Variants in TOX2 observed in about 807,000 individuals in gnomAD.
TOX2 encodes granulosa cell HMG box 1.
TOX2 carries 15 observed loss-of-function variants against 47.4 expected under a neutral mutation model. The observed-to-expected ratio is 0.32, with a 90% CI of 0.21 to 0.49. TOX2 has a LOEUF of 0.49. Among genes scored for constraint, TOX2 ranks in the 20% least tolerant of loss-of-function variants. The pLI is 0.99. For synonymous variants in TOX2, 290 were observed against 296.6 expected, an observed-to-expected ratio of 0.98 and a Z score of 0.23; for missense variants, 622 against 673.1, an observed-to-expected ratio of 0.92 and a Z score of 0.84.
chr20:43,928,151 A>C (rs1271556539), intron 1 of TOX2, among the ~76,000 whole-genome samples: 3 of 152,232 alleles, frequency 2.0e-5, no homozygotes, highest in Non-Finnish European at 4.4e-5. Flanking sequence ...GAAGGTGCTG[A>C]GAGTGTCAAG....
intron 3 of TOX2, among the ~76,000 whole-genome samples, chr20:44,028,658 G>T (rs1449303777): frequency 6.6e-6 from 1 of 152,166 alleles, no homozygotes; most frequent in Admixed American, 6.5e-5. Flanking sequence ...ACGCAAAGGA[G>T]TAAGATGTGC....
chr20:43,974,452 T>C (rs908912267), intron 2 of TOX2, among the ~76,000 whole-genome samples: 4 of 152,198 alleles, frequency 2.6e-5, no homozygotes, highest in African/African-American at 9.6e-5. Context: ...CCTAAGGCAG[T>C]GGTGCTTGCT....
intron 8 of TOX2, among the ~76,000 whole-genome samples, chr20:44,068,082 G>A (rs974996993): frequency 2.0e-5 from 3 of 152,034 alleles, no homozygotes; most frequent in African/African-American, 7.2e-5. Flanking sequence ...ACATGGGTGG[G>A]TGGACTCAGC....
rs372369100 is a variant in TOX2 at position 43,940,383 on chromosome 20, C to CT, written c.99+25406dup. Among the ~76,000 whole-genome samples the CT allele has an allele frequency of 3.3e-3, 477 of 142,408 alleles. 1 individual carries two copies. The highest frequency in any genetic ancestry group is 8.9e-3 in the African/African-American group (345 of 38,960). 93.4% of individuals were successfully genotyped at this position (142,408 alleles called of 152,430 possible). A position where few individuals can be genotyped will look rare whatever the true frequency, so the allele number is the denominator to read the frequency against. ...GGCATGCGCCACCATGCACAGCTAG[C>CT]TTTTTTTTTTTTTGTCTGTTTTTCA... On this transcript the variant is annotated intron_variant, in intron 1 of 8. Transcript: ENST00000341197.
At chr20:44,032,864 T>C (rs6017250) in intron 3 of TOX2, among the ~76,000 whole-genome samples, 117,673 of 152,132 alleles carry the variant, frequency 0.77, 45,823 homozygotes, top group African/African-American at 0.85. Context: ...TCTGCTTCTC[T>C]GCCGGCGGCT....
intron 1 of TOX2, among the ~76,000 whole-genome samples, chr20:43,967,418 C>T (rs1286397550): frequency 2.0e-5 from 3 of 152,092 alleles, no homozygotes; most frequent in Non-Finnish European, 4.4e-5. Context: ...ATGCCAGACC[C>T]ACATTGCTAT....
intron 3 of TOX2, among the ~76,000 whole-genome samples, chr20:44,040,274 G>A (rs2071310590): frequency 6.6e-6 from 1 of 152,190 alleles, no homozygotes; most frequent in African/African-American, 2.4e-5. Context: ...AGACTTACTT[G>A]GAAGGAAAGT....
intron 2 of TOX2, among the ~76,000 whole-genome samples, chr20:43,983,743 TAGGCTC>T (rs1185330064): frequency 6.6e-6 from 1 of 152,176 alleles, no homozygotes; most frequent in African/African-American, 2.4e-5. Flanking sequence ...TGCACCTCCT[TAGGCTC>T]AGGCTCAGGG....
In TOX2 at chr20:43,915,535, G is replaced by A. The variant is rs1167504079; in HGVS notation, c.99+545G>A. 2.0e-5 allele frequency among the ~76,000 whole-genome samples: 3 copies of A among 152,100 alleles called. No individual in the cohort carries two copies. Among genetic ancestry groups the A allele is most frequent in the Non-Finnish European group, 4.4e-5 (3 of 68,022 alleles). ...CGCAGCCACAACGCCTCACCCAGGC[G>A]CACGCTGTCACACACAGCCACCCCC... On this transcript the variant is annotated intron_variant, in intron 1 of 8. Transcript: ENST00000341197. This position sits in a 1 kb window ranked among gnomAD's most constrained non-coding sequence, Gnocchi z 7.1.
rs770927706 is a variant in TOX2, at chr20:44,068,712, C to T, written c.*26C>T. The stretch of plus-strand genomic sequence containing the variant: ...TCCCGCCTCCCTACCATCCCTGAGG[C>T]TCGCTGGAAGGCACTGCTCAGAGCC... On this transcript the variant is annotated 3_prime_UTR_variant, in exon 9 of 9. Coordinates refer to ENST00000341197, the MANE Select transcript of TOX2 (RefSeq NM_001098797.2). 1.9e-6 allele frequency: 3 copies of T among 1,614,004 alleles called. No individual in the cohort carries two copies. The highest frequency in any genetic ancestry group is 2.5e-6 in the Non-Finnish European group (3 of 1,179,954).
chr20:44,050,001 A>G (rs931751992), intron 3 of TOX2, among the ~76,000 whole-genome samples: 14 of 152,180 alleles, frequency 9.2e-5, no homozygotes, highest in African/African-American at 2.4e-4. Flanking sequence ...CTGGGTATAT[A>G]CCCAGTAATG....
In TOX2 at chr20:44,068,751, G is replaced by A. The variant is rs1436744261; in HGVS notation, c.*65G>A. 1 of 1,605,048 alleles carries A rather than the reference G, an allele frequency of 6.2e-7. No individual in the cohort carries two copies. Among genetic ancestry groups the A allele is most frequent in the Non-Finnish European group, 8.5e-7 (1 of 1,173,886 alleles). On this transcript the variant is annotated 3_prime_UTR_variant, in exon 9 of 9. Transcript: ENST00000341197. ...CTGCTCAGAGCCTGAAGGGCTGACA[G>A]CAGAAAAGAGGCCCTGGCCAGAGGC...
intron 3 of TOX2, among the ~76,000 whole-genome samples, chr20:44,049,290 T>C (rs1408556742): frequency 6.6e-6 from 1 of 152,260 alleles, no homozygotes; most frequent in Non-Finnish European, 1.5e-5. Flanking sequence ...TGTATTCATC[T>C]GCAAACATAG....
At chr20:44,034,417 G>T (rs1600763384) in intron 3 of TOX2, among the ~76,000 whole-genome samples, 4 of 152,198 alleles carry the variant, frequency 2.6e-5, no homozygotes, top group African/African-American at 9.7e-5. Context: ...CTGGCTCAGG[G>T]TCTCAGACAT....
At position 44,068,701 on chromosome 20, in the gene TOX2, C is replaced by A; in HGVS notation, c.*15C>A. The A allele has an allele frequency of 6.2e-7, 1 of 1,614,080 alleles. No individual in the cohort carries two copies. The highest frequency in any genetic ancestry group is 8.5e-7 in the Non-Finnish European group (1 of 1,179,978). ...ACCTCACCTAATCCCGCCTCCCTAC[C>A]ATCCCTGAGGCTCGCTGGAAGGCAC... On this transcript the variant is annotated 3_prime_UTR_variant, in exon 9 of 9. Transcript: ENST00000341197.
At position 43,915,510 on chromosome 20, in the gene TOX2, C is replaced by T. The variant is rs1600642304; in HGVS notation, c.99+520C>T. On this transcript the variant is annotated intron_variant, in intron 1 of 8. Transcript: ENST00000341197. The surrounding 1 kb of genome is among the most constrained non-coding windows in gnomAD (Gnocchi z 7.1). The stretch of plus-strand genomic sequence containing the variant: ...AGAAGTCGCCCGACAGTCACACTCT[C>T]GCAGCCACAACGCCTCACCCAGGCG... 1.3e-5 allele frequency among the ~76,000 whole-genome samples: 2 copies of T among 152,264 alleles called. No individual in the cohort carries two copies. Among genetic ancestry groups the T allele is most frequent in the African/African-American group, 4.8e-5 (2 of 41,546 alleles).
chr20:44,066,708 C>T (rs756640097), intron 7 of TOX2, 22 bp from the exon 8 acceptor site: 18 of 1,613,922 alleles, frequency 1.1e-5, no homozygotes, highest in Admixed American at 1.7e-5. Context: ...TGGCTCATGG[C>T]CTCCTCCTTC....
chr20:43,952,546 A>C (rs1428305737), intron 1 of TOX2, among the ~76,000 whole-genome samples: 1 of 152,182 alleles, frequency 6.6e-6, no homozygotes, highest in African/African-American at 2.4e-5. Flanking sequence ...CCTCTAGAGA[A>C]AGCCTGCAGA....
intron 8 of TOX2, 78 bp from the exon 9 acceptor site, chr20:44,068,572 T>C: frequency 6.8e-7 from 1 of 1,466,322 alleles, no homozygotes; most frequent in African/African-American, 1.4e-5. Flanking sequence ...GGGTGGGGCG[T>C]ACAGTGCAGG....
Sources: gnomAD v4.1 joint callset for allele counts (sites outside exome capture counted in the v4.1 genomes callset) on GRCh38, gnomAD v4.1.1 for gene constraint, Gnocchi (gnomAD v3.1) non-coding constraint, MANE v1.5 for transcripts, NCBI Gene and HGNC (gene_info 2026-07-23, HGNC 2026-07-21) for gene names.